Variants in SRPK2 observed in about 807,000 individuals in gnomAD.
SRPK2 encodes the protein SFRS protein kinase 2.
A neutral mutation model predicts 90.8 loss-of-function variants in SRPK2; 21 were observed. The ratio of observed to expected loss-of-function variants is 0.23; its 90% CI spans 0.16 to 0.33. The LOEUF (loss-of-function observed/expected upper bound fraction) is 0.33, where lower values mean the gene tolerates loss of function less well. SRPK2 is among the 10% of genes least tolerant of loss of function. The pLI is 1.00. For missense variants in SRPK2, 620 were observed against 869.0 expected, an observed-to-expected ratio of 0.71 and a Z score of 3.60; for synonymous variants, 288 against 311.1, an observed-to-expected ratio of 0.93 and a Z score of 0.78.
At chr7:105,334,088 T>C (rs2131756540) in intron 2 of SRPK2, among the ~76,000 whole-genome samples, 1 of 151,588 alleles carries the variant, frequency 6.6e-6, no homozygotes, top group East Asian at 2.0e-4. Flanking sequence ...TTTTATTTTA[T>C]TTTTTATTTT....
intron 3 of SRPK2, among the ~76,000 whole-genome samples, chr7:105,191,910 CT>C (rs943203469): frequency 6.0e-5 from 9 of 150,240 alleles, no homozygotes; most frequent in African/African-American, 2.2e-4. Context: ...GAGACAAAGT[CT>C]TAATATGTTG....
At chr7:105,394,896 C>T (rs1822278593) in intron 1 of SRPK2, among the ~76,000 whole-genome samples, 1 of 152,148 alleles carries the variant, frequency 6.6e-6, no homozygotes, top group Non-Finnish European at 1.5e-5. Context: ...AACAGCCGGG[C>T]GCGGTGGCTT....
intron 2 of SRPK2, among the ~76,000 whole-genome samples, chr7:105,217,283 A>G (rs1344075424): frequency 1.3e-5 from 2 of 152,234 alleles, no homozygotes; most frequent in Non-Finnish European, 2.9e-5. Flanking sequence ...CTACAAGGCA[A>G]TATGACAAAG....
At chr7:105,331,326 A>AAAAAC (rs1814342120) in intron 2 of SRPK2, among the ~76,000 whole-genome samples, 5 of 144,438 alleles carry the variant, frequency 3.5e-5, no homozygotes, top group Non-Finnish European at 7.6e-5. Flanking sequence ...AAAAAAAAAA[A>AAAAAC]AAAAAAAAAA....
chr7:105,156,046 T>C (rs1563000609), intron 7 of SRPK2, among the ~76,000 whole-genome samples: 1 of 152,138 alleles, frequency 6.6e-6, no homozygotes, highest in East Asian at 1.9e-4. Context: ...CAAGGGGAAA[T>C]ACAGGCTGAC....
At chr7:105,170,886 A>G (rs1247566802) in intron 3 of SRPK2, among the ~76,000 whole-genome samples, 3 of 119,304 alleles carry the variant, frequency 2.5e-5, no homozygotes, top group Non-Finnish European at 5.4e-5. Context: ...AAAGAAAGAA[A>G]GAAAGAAAGA....
chr7:105,380,888 T>A (rs1269845564), intron 2 of SRPK2, among the ~76,000 whole-genome samples: 1 of 150,848 alleles, frequency 6.6e-6, no homozygotes. Context: ...TTAAATCTTC[T>A]GTATTATACT....
intron 2 of SRPK2, among the ~76,000 whole-genome samples, chr7:105,354,474 T>G (rs1361361606): frequency 6.6e-6 from 1 of 152,164 alleles, no homozygotes; most frequent in African/African-American, 2.4e-5. Context: ...GGTATGTAAC[T>G]TAAGTAGCAT....
At chr7:105,269,282 T>C (rs933996039) in intron 2 of SRPK2, among the ~76,000 whole-genome samples, 2 of 152,170 alleles carry the variant, frequency 1.3e-5, no homozygotes, top group African/African-American at 4.8e-5. Context: ...ATGCAACCCT[T>C]GGCTGTTTCT....
chr7:105,280,307 G>A (rs1359757508), intron 2 of SRPK2, among the ~76,000 whole-genome samples: 2 of 151,786 alleles, frequency 1.3e-5, no homozygotes, highest in Admixed American at 1.3e-4. Context: ...CCCAGCTACT[G>A]GAGAGGCTGA....
intron 6 of SRPK2, among the ~76,000 whole-genome samples, chr7:105,161,870 T>C (rs1448661251): frequency 6.6e-6 from 1 of 152,190 alleles, no homozygotes; most frequent in African/African-American, 2.4e-5. Flanking sequence ...ATTTAAGACA[T>C]GGTATTAAGA....
At position 105,242,243 on chromosome 7, in the gene SRPK2, G is replaced by C. The variant is rs148825379; in HGVS notation, c.72-38458C>G. On this transcript the variant is annotated intron_variant, in intron 2 of 15. Transcript: ENST00000393651. ...AGCTGAAAATTTGGCAGGGTGCAGT[G>C]GCTCATGCCAGTAATCCCAGAACTT... Among the ~76,000 whole-genome samples, 321 of 152,254 alleles carry C rather than the reference G, an allele frequency of 2.1e-3. 1 individual carries two copies. Among genetic ancestry groups the C allele is most frequent in the African/African-American group, 7.4e-3 (309 of 41,548 alleles).
chr7:105,268,145 G>A (rs1349666760), intron 2 of SRPK2, among the ~76,000 whole-genome samples: 1 of 152,084 alleles, frequency 6.6e-6, no homozygotes, highest in African/African-American at 2.4e-5. Flanking sequence ...TCTCTTTTCA[G>A]ATATAATCAT....
intron 3 of SRPK2, among the ~76,000 whole-genome samples, chr7:105,199,383 G>C (rs1795279039): frequency 6.6e-6 from 1 of 152,190 alleles, no homozygotes; most frequent in African/African-American, 2.4e-5. Flanking sequence ...AAAAGCAAGA[G>C]AAAGAGGTGA....
Position 105,337,294 on chromosome 7 carries a change from A to G in SRPK2, c.71+51354T>C, listed in dbSNP as rs543415660. ...TAATTAGGGTTAGAGGAAGGCATCA[A>G]TGATAGTGAGGCTCATGAAGGGATT... On this transcript the variant is annotated intron_variant, in intron 2 of 15. Transcript: ENST00000393651. Among the ~76,000 whole-genome samples the G allele has an allele frequency of 4.0e-5, 6 of 151,768 alleles. 1 individual carries two copies. The highest frequency in any genetic ancestry group is 1.2e-4 in the African/African-American group (5 of 41,402).
chr7:105,340,395 TCTC>T (rs1319630282), intron 2 of SRPK2, among the ~76,000 whole-genome samples: 198 of 148,910 alleles, frequency 1.3e-3, no homozygotes, highest in African/African-American at 4.4e-3. Flanking sequence ...TTTTCTTTTC[TCTC>T]CTTTTTTTTT....
chr7:105,158,206 T>C (rs954422801), intron 7 of SRPK2, among the ~76,000 whole-genome samples: 3 of 152,208 alleles, frequency 2.0e-5, no homozygotes, highest in Admixed American at 6.5e-5. Flanking sequence ...GGCTATATTT[T>C]CTTCTCTAGA....
At chr7:105,335,335 TTCAATTA>T (rs1814968526) in intron 2 of SRPK2, among the ~76,000 whole-genome samples, 1 of 152,100 alleles carries the variant, frequency 6.6e-6, no homozygotes, top group Non-Finnish European at 1.5e-5. Flanking sequence ...GAGCAAATAA[TTCAATTA>T]TCAAAAATCA....
rs1042146411 is a variant in SRPK2, at chr7:105,204,983, G to A, written c.72-1198C>T. The stretch of plus-strand genomic sequence containing the variant: ...CTCTCCTCACTGCAGCACAGCCTGC[G>A]GCATACAGTCAAAGCTCACTCTTCA... On this transcript the variant is annotated intron_variant, in intron 2 of 15. Coordinates refer to ENST00000393651, the MANE Select transcript of SRPK2 (RefSeq NM_182692.3). 4.7e-5 allele frequency: 13 copies of A among 279,256 alleles called. No homozygotes were observed. The East Asian group carries it at 5.5e-4, about 12-fold the overall frequency. 17.3% of individuals were successfully genotyped at this position (279,256 alleles called of 1,614,324 possible). A position where few individuals can be genotyped will look rare whatever the true frequency, so the allele number is the denominator to read the frequency against.
Sources: gnomAD v4.1 joint callset for allele counts (sites outside exome capture counted in the v4.1 genomes callset) on GRCh38, gnomAD v4.1.1 for gene constraint, MANE v1.5 for transcripts, NCBI Gene and HGNC (gene_info 2026-07-23, HGNC 2026-07-21) for gene names.